ABCD2: variants seen among roughly 807,000 people sequenced by gnomAD.
The protein encoded by ABCD2 is ATP-binding cassette sub-family D member 2.
A neutral mutation model predicts 70.9 loss-of-function variants in ABCD2; 36 were observed. The ratio of observed to expected loss-of-function variants is 0.51; its 90% CI spans 0.39 to 0.67. The LOEUF (loss-of-function observed/expected upper bound fraction) is 0.67. Ranked by LOEUF, ABCD2 falls within the 30% of genes least tolerant of loss-of-function variation. The pLI is 0.00. For synonymous variants in ABCD2, 304 were observed against 306.9 expected (o/e 0.99, Z 0.10); for missense variants, 729 against 890.2 (o/e 0.82, Z 2.30).
chr12:39,546,527 A>G (rs1941026844), downstream of ABCD2, among the ~76,000 whole-genome samples: 1 of 152,166 alleles, frequency 6.6e-6, no homozygotes, highest in African/African-American at 2.4e-5. Flanking sequence ...GGAGATAATA[A>G]TAAGTTACAT....
At chr12:39,555,004 C>A (rs76274984) in intron 9 of ABCD2, among the ~76,000 whole-genome samples, 1 of 151,846 alleles carries the variant, frequency 6.6e-6, no homozygotes. Flanking sequence ...GATCGGTGGG[C>A]TTTTTTCAAG....
chr12:39,613,437 C>T (rs931168781), intron 2 of ABCD2, among the ~76,000 whole-genome samples: 8 of 144,774 alleles, frequency 5.5e-5, no homozygotes, highest in Admixed American at 4.9e-4. Flanking sequence ...TTGTAGACCT[C>T]AGGTAACTAT....
At chr12:39,586,397 C>A (rs1411250523) in intron 6 of ABCD2, 100 bp from the exon 7 acceptor site, 2 of 1,176,670 alleles carry the variant, frequency 1.7e-6, no homozygotes, top group African/African-American at 3.1e-5. Flanking sequence ...AGACTTTAAA[C>A]ACTACATTTC....
chr12:39,603,753 G>A (rs1941932193), intron 5 of ABCD2, among the ~76,000 whole-genome samples, 159 bp downstream of exon 5: 1 of 151,914 alleles, frequency 6.6e-6, no homozygotes, highest in Admixed American at 6.6e-5. Context: ...TCTGCTTTCT[G>A]AGGAATAACT....
At chr12:39,569,315 C>A (rs1465860065) in intron 9 of ABCD2, among the ~76,000 whole-genome samples, 3 of 152,238 alleles carry the variant, frequency 2.0e-5, no homozygotes, top group Non-Finnish European at 4.4e-5. Context: ...CCTACTGAAG[C>A]CTTGGCAATG....
intron 9 of ABCD2, among the ~76,000 whole-genome samples, chr12:39,556,570 G>T (rs2120528048): frequency 6.6e-6 from 1 of 152,272 alleles, no homozygotes; most frequent in Middle Eastern, 3.4e-3. Flanking sequence ...CCCCAGCCAT[G>T]CTGAACTGTG....
intron 6 of ABCD2, among the ~76,000 whole-genome samples, chr12:39,589,848 T>A (rs915423863): frequency 6.6e-6 from 1 of 152,230 alleles, no homozygotes; most frequent in Non-Finnish European, 1.5e-5. Flanking sequence ...AGTTCAATTT[T>A]TTGTCAATTA....
At chr12:39,569,715 G>A (rs1246585399) in intron 9 of ABCD2, among the ~76,000 whole-genome samples, 1 of 152,152 alleles carries the variant, frequency 6.6e-6, no homozygotes, top group Non-Finnish European at 1.5e-5. Context: ...CTTCTGCATC[G>A]CTGATGCTGG....
the ABCD2 span, among the ~76,000 whole-genome samples, chr12:39,544,227 G>C: frequency 1.1e-3 from 166 of 152,276 alleles, no homozygotes; most frequent in Non-Finnish European, 2.0e-3. Flanking sequence ...CAGTTCCTGG[G>C]TGGGGGCCAC....
intron 9 of ABCD2, among the ~76,000 whole-genome samples, chr12:39,566,431 T>C (rs1941349140): frequency 6.6e-6 from 1 of 152,240 alleles, no homozygotes; most frequent in African/African-American, 2.4e-5. Context: ...GTGTTTATAG[T>C]GTTTGCTGAT....
At chr12:39,614,034 A>G (rs932329380) in intron 2 of ABCD2, among the ~76,000 whole-genome samples, 18 of 152,160 alleles carry the variant, frequency 1.2e-4, no homozygotes, top group Non-Finnish European at 2.5e-4. Context: ...GCAAACATCT[A>G]CTGAATATCT....
chr12:39,534,879 GGAAGGAAAGAAAGAAA>G, the ABCD2 span, among the ~76,000 whole-genome samples: 7 of 111,218 alleles, frequency 6.3e-5, no homozygotes, highest in East Asian at 2.7e-4. Context: ...AAGGAAGGAA[GGAAGGAAAGAAAGAAA>G]GAAAGAAAGA....
chr12:39,558,798 T>C (rs551766218), intron 9 of ABCD2, among the ~76,000 whole-genome samples: 11 of 152,030 alleles, frequency 7.2e-5, no homozygotes, highest in African/African-American at 2.2e-4. Flanking sequence ...AGTATGAAAA[T>C]GAACTAATAC....
intron 9 of ABCD2, among the ~76,000 whole-genome samples, chr12:39,571,604 C>T (rs1941449833): frequency 6.6e-6 from 1 of 152,108 alleles, no homozygotes; most frequent in African/African-American, 2.4e-5. Flanking sequence ...TGGGAGGAAC[C>T]AACTGTGTAG....
intron 9 of ABCD2, among the ~76,000 whole-genome samples, chr12:39,568,027 A>T (rs1409032833): frequency 6.6e-6 from 1 of 151,758 alleles, no homozygotes; most frequent in Admixed American, 6.6e-5. Flanking sequence ...CTTTGTGGGT[A>T]ACCCCACCTT....
Position 39,586,233 on chromosome 12 carries a change from G to T in ABCD2, c.1711C>A (p.His571Asn), listed in dbSNP as rs1208123397. The part of the protein sequence containing the change: ...VIYPDSVDDM[H>N]DKGYTDQDLE... ...TCTTGGTCTGTATAACCTTTATCAT[G>T]CATATCATCCACTGAATCAGGGTAA... is the stretch of plus-strand genomic sequence containing the variant. Residue 571 changes from histidine to asparagine, a missense_variant, in exon 7 of 10, where the codon CAT becomes AAT. This residue lies in a region of ABCD2 where 289 missense variants were observed against 328.8 expected (regional missense o/e 0.88). Transcript: ENST00000308666. The T allele has an allele frequency of 1.2e-6, 2 of 1,613,444 alleles. No homozygotes were observed. Among genetic ancestry groups the T allele is most frequent in the South Asian group, 1.1e-5 (1 of 90,984 alleles).
At chr12:39,559,852 T>C (rs1288816355) in intron 9 of ABCD2, among the ~76,000 whole-genome samples, 2 of 152,194 alleles carry the variant, frequency 1.3e-5, no homozygotes, top group Non-Finnish European at 2.9e-5. Context: ...CCACCAGATA[T>C]GTCTTATAAG....
At chr12:39,543,038 C>T in the ABCD2 span, among the ~76,000 whole-genome samples, 1 of 152,182 alleles carries the variant, frequency 6.6e-6, no homozygotes, top group Non-Finnish European at 1.5e-5. Flanking sequence ...CAGCAGCACT[C>T]AGCTGCTCTT....
downstream of ABCD2, among the ~76,000 whole-genome samples, chr12:39,546,720 C>T (rs1941028477): frequency 6.6e-6 from 1 of 151,872 alleles, no homozygotes; most frequent in South Asian, 2.1e-4. Context: ...AAATAAAGTC[C>T]TCTATAGTCA....
Sources: allele counts gnomAD v4.1 joint callset (sites outside exome capture counted in the v4.1 genomes callset), GRCh38; gene constraint gnomAD v4.1.1; regional missense constraint gnomAD v4.1.1; transcripts MANE v1.5; gene names NCBI Gene and HGNC (gene_info 2026-07-23, HGNC 2026-07-21).